TTLL7: variants seen among roughly 807,000 people sequenced by gnomAD.
The protein encoded by TTLL7 is tubulin tyrosine ligase like 7, also known as tubulin polyglutamylase TTLL7.
TTLL7 carries 53 observed loss-of-function variants against 120.2 expected under a neutral mutation model. The ratio of observed to expected loss-of-function variants is 0.44; its 90% CI spans 0.35 to 0.55. The LOEUF (loss-of-function observed/expected upper bound fraction) is 0.55, where lower values mean the gene tolerates loss of function less well. Ranked by LOEUF, TTLL7 falls within the 20% of genes least tolerant of loss-of-function variation. TTLL7 has a pLI of 0.00. For missense variants in TTLL7, 803 were observed against 1,054.7 expected, an observed-to-expected ratio of 0.76 and a Z score of 3.31; for synonymous variants, 353 against 351.7, an observed-to-expected ratio of 1.00 and a Z score of -0.04.
At chr1:83,895,475 T>G (rs1041415576) in intron 18 of TTLL7, among the ~76,000 whole-genome samples, 1 of 152,084 alleles carries the variant, frequency 6.6e-6, no homozygotes, top group Non-Finnish European at 1.5e-5. Flanking sequence ...CAAGCTTAGA[T>G]TCCATAATCA....
At chr1:83,911,767 CAG>C (rs1335321532) in intron 14 of TTLL7, among the ~76,000 whole-genome samples, 2 of 151,726 alleles carry the variant, frequency 1.3e-5, no homozygotes, top group Non-Finnish European at 2.9e-5. Flanking sequence ...CATTAACGTT[CAG>C]AGTTACTCAA....
chr1:83,980,029 A>G (rs1651816229), intron 1 of TTLL7: 1 of 152,224 alleles, frequency 6.6e-6, no homozygotes, highest in Non-Finnish European at 1.5e-5. Flanking sequence ...ATTACTACAA[A>G]TTAATTTTAC....
chr1:83,878,030 T>C (rs2147394), intron 20 of TTLL7, among the ~76,000 whole-genome samples: 6,337 of 151,958 alleles, frequency 0.042, 155 homozygotes, highest in Middle Eastern at 0.099. Context: ...TGTTATCACT[T>C]AGTTCAAAAT....
At chr1:83,933,817 A>T in intron 8 of TTLL7, 51 bp from the exon 9 acceptor site, 1 of 1,548,686 alleles carries the variant, frequency 6.5e-7, no homozygotes, top group East Asian at 2.3e-5. Context: ...CTCATTTCAT[A>T]TGTGCAAATA....
At chr1:83,892,513 T>A (rs1234216116) in intron 18 of TTLL7, among the ~76,000 whole-genome samples, 1 of 141,376 alleles carries the variant, frequency 7.1e-6, no homozygotes, top group East Asian at 2.0e-4. Context: ...TGAATGAACA[T>A]ATATATGAAC....
intron 6 of TTLL7, among the ~76,000 whole-genome samples, chr1:83,943,259 G>A (rs990687529): frequency 2.0e-5 from 3 of 152,110 alleles, no homozygotes; most frequent in African/African-American, 7.2e-5. Context: ...TGGGAGGAAG[G>A]GCTGAGCAAT....
intron 18 of TTLL7, among the ~76,000 whole-genome samples, chr1:83,896,727 C>G (rs979270641): frequency 6.6e-6 from 1 of 152,020 alleles, no homozygotes; most frequent in South Asian, 2.1e-4. Flanking sequence ...AAACAAGGAC[C>G]TCTTAGCACC....
intron 13 of TTLL7, among the ~76,000 whole-genome samples, chr1:83,919,113 CTA>C (rs997515835): frequency 3.8e-4 from 58 of 152,088 alleles, no homozygotes; most frequent in African/African-American, 1.3e-3. Context: ...ATACATGCTA[CTA>C]TATGATTCAC....
At chr1:83,992,370 A>C (rs1653078987) in intron 1 of TTLL7, among the ~76,000 whole-genome samples, 1 of 152,144 alleles carries the variant, frequency 6.6e-6, no homozygotes, top group South Asian at 2.1e-4. Context: ...TAAACTGGAA[A>C]TAGGCATCAC....
intron 16 of TTLL7, 178 bp from the exon 17 acceptor site, chr1:83,906,641 C>T: frequency 2.6e-6 from 2 of 761,942 alleles, no homozygotes; most frequent in South Asian, 1.7e-5. Context: ...ATATGAATCC[C>T]AAGAGTGTCT....
chr1:83,938,081 G>GA, intron 7 of TTLL7, 65 bp from the exon 8 acceptor site: 3 of 1,483,314 alleles, frequency 2.0e-6, no homozygotes, highest in East Asian at 2.3e-5. Context: ...AGTTTCAGAG[G>GA]AAAAAAAGAC....
At chr1:83,998,843 G>C (rs1212432247) in intron 1 of TTLL7, 88 bp downstream of exon 1, 1 of 325,834 alleles carries the variant, frequency 3.1e-6, no homozygotes, top group Non-Finnish European at 6.1e-6. Context: ...CCGGGGATGG[G>C]GGCCCGGAAA....
chr1:83,916,345 C>A (rs1197080121), intron 14 of TTLL7, among the ~76,000 whole-genome samples: 1 of 152,046 alleles, frequency 6.6e-6, no homozygotes, highest in African/African-American at 2.4e-5. Flanking sequence ...TTTGTAGGGA[C>A]ATGGATGAAG....
At chr1:83,941,577 A>T (rs988011182) in intron 7 of TTLL7, among the ~76,000 whole-genome samples, 15 of 152,304 alleles carry the variant, frequency 9.8e-5, no homozygotes, top group African/African-American at 3.6e-4. Context: ...ACCGCACTTA[A>T]TGGAGTTAAT....
intron 8 of TTLL7, among the ~76,000 whole-genome samples, chr1:83,937,413 G>C (rs1375552270): frequency 6.6e-6 from 1 of 152,088 alleles, no homozygotes; most frequent in Admixed American, 6.5e-5. Flanking sequence ...ATGTTGGCCA[G>C]GCTGGTCTCG....
intron 18 of TTLL7, among the ~76,000 whole-genome samples, chr1:83,891,122 T>C (rs969396988): frequency 5.3e-5 from 8 of 152,166 alleles, no homozygotes; most frequent in African/African-American, 1.7e-4. Flanking sequence ...TAATAGATTT[T>C]GATTATATAA....
At chr1:83,933,842 A>C (rs1659801240) in intron 8 of TTLL7, 76 bp from the exon 9 acceptor site, 1 of 1,443,024 alleles carries the variant, frequency 6.9e-7, no homozygotes, top group East Asian at 2.3e-5. Flanking sequence ...CGGGGCCCAC[A>C]AACTGGCAGC....
intron 1 of TTLL7, among the ~76,000 whole-genome samples, chr1:83,986,294 G>A (rs912311467): frequency 9.2e-5 from 14 of 152,132 alleles, no homozygotes; most frequent in African/African-American, 3.4e-4. Context: ...TTTATTTCAT[G>A]TATGCAAGGC....
intron 8 of TTLL7, among the ~76,000 whole-genome samples, chr1:83,934,500 A>G (rs191473243): frequency 1.3e-5 from 2 of 152,332 alleles, no homozygotes; most frequent in East Asian, 1.9e-4. Flanking sequence ...TTTGTAGTGT[A>G]TAAGTTTTAT....
Sources: gnomAD v4.1 joint callset for allele counts (sites outside exome capture counted in the v4.1 genomes callset) on GRCh38, gnomAD v4.1.1 for gene constraint, MANE v1.5 for transcripts, NCBI Gene and HGNC (gene_info 2026-07-23, HGNC 2026-07-21) for gene names.